Variants in FAM120B observed in about 807,000 individuals in gnomAD.
The protein encoded by FAM120B is constitutive coactivator of peroxisome proliferator-activated receptor gamma.
A neutral mutation model predicts 96.3 loss-of-function variants in FAM120B; 83 were observed. The observed-to-expected ratio is 0.86, with a 90% CI of 0.72 to 1.03. The LOEUF is 1.03. FAM120B is among the 50% of genes least tolerant of loss of function. The pLI is 0.00. For synonymous variants in FAM120B, 407 were observed against 402.7 expected, an observed-to-expected ratio of 1.01 and a Z score of -0.13; for missense variants, 1,027 against 1,121.2, an observed-to-expected ratio of 0.92 and a Z score of 1.20.
At chr6:170,350,060 CAG>C (rs775510353) in intron 5 of FAM120B, among the ~76,000 whole-genome samples, 4 of 152,178 alleles carry the variant, frequency 2.6e-5, no homozygotes, top group Non-Finnish European at 5.9e-5. Context: ...GTCTGATACA[CAG>C]AGCTGTTTGG....
At chr6:170,291,596 G>A (rs971024426), upstream of FAM120B, among the ~76,000 whole-genome samples, 5 of 152,206 alleles carry the variant, frequency 3.3e-5, no homozygotes, top group African/African-American at 7.2e-5. Flanking sequence ...GCCGAGGGCT[G>A]CCAGAGCGAA....
chr6:170,387,860 G>A (rs983771726), intron 6 of FAM120B, among the ~76,000 whole-genome samples: 4 of 152,170 alleles, frequency 2.6e-5, no homozygotes, highest in Non-Finnish European at 5.9e-5. Context: ...TGCCTTTGAA[G>A]AAAGTTGTTC....
intron 5 of FAM120B, among the ~76,000 whole-genome samples, chr6:170,348,763 A>G (rs900244912): frequency 3.9e-5 from 6 of 152,130 alleles, no homozygotes; most frequent in African/African-American, 1.2e-4. Flanking sequence ...GCTTTTTCCT[A>G]TGTCAGTTTC....
At chr6:170,326,505 T>C (rs1039892178) in intron 3 of FAM120B, among the ~76,000 whole-genome samples, 1 of 152,218 alleles carries the variant, frequency 6.6e-6, no homozygotes, top group Admixed American at 6.5e-5. Context: ...ATTATGCATA[T>C]GTTGTAAACC....
chr6:170,386,888 A>G (rs1790217618), intron 6 of FAM120B, among the ~76,000 whole-genome samples: 1 of 152,264 alleles, frequency 6.6e-6, no homozygotes, highest in Non-Finnish European at 1.5e-5. Context: ...AAAACCAATA[A>G]TACATGATGA....
intron 1 of FAM120B, among the ~76,000 whole-genome samples, chr6:170,296,842 T>A (rs908924183): frequency 1.9e-4 from 29 of 152,118 alleles, no homozygotes; most frequent in African/African-American, 6.8e-4. Flanking sequence ...CCTTTCCGGC[T>A]GCATCCGGGG....
At chr6:170,335,448 A>T (rs1786352907) in intron 4 of FAM120B, among the ~76,000 whole-genome samples, 1 of 152,160 alleles carries the variant, frequency 6.6e-6, no homozygotes, top group South Asian at 2.1e-4. Flanking sequence ...TTCTTTATGC[A>T]GTCTATCATT....
intron 5 of FAM120B, among the ~76,000 whole-genome samples, chr6:170,352,021 C>G (rs1787612666): frequency 2.6e-5 from 4 of 152,192 alleles, no homozygotes; most frequent in Admixed American, 2.6e-4. Flanking sequence ...CATGACCCAT[C>G]CATATGCTGT....
chr6:170,382,622 G>A (rs1789974531), intron 6 of FAM120B, among the ~76,000 whole-genome samples: 2 of 151,352 alleles, frequency 1.3e-5, no homozygotes, highest in Admixed American at 6.6e-5. Flanking sequence ...GCTAAAAATT[G>A]CAAAATACTG....
chr6:170,401,426 G>T (rs1433892620), intron 9 of FAM120B, among the ~76,000 whole-genome samples: 2 of 152,144 alleles, frequency 1.3e-5, no homozygotes, highest in Non-Finnish European at 2.9e-5. Flanking sequence ...CAGAGGCAGT[G>T]TCCCATCAGG....
chr6:170,333,399 C>G (rs761338209), intron 4 of FAM120B, among the ~76,000 whole-genome samples: 2 of 152,114 alleles, frequency 1.3e-5, no homozygotes, highest in African/African-American at 2.4e-5. Context: ...CAGAAATTTT[C>G]TGCTGTTAAA....
rs78984439 is a variant in FAM120B at position 170,360,243 on chromosome 6, G to A, written c.2283+1925G>A. ...CTTGAGCAGGTTCTTAAGGACATAC[G>A]GCAAGTAACCAAACTTCTGTGTGCC... On this transcript the variant is annotated intron_variant, in intron 6 of 10. Transcript: ENST00000476287. Among the ~76,000 whole-genome samples, 743 of 152,266 alleles carry A rather than the reference G, an allele frequency of 4.9e-3. 9 individuals are homozygous for A. The highest frequency in any genetic ancestry group is 0.017 in the African/African-American group (712 of 41,552).
intron 7 of FAM120B, among the ~76,000 whole-genome samples, chr6:170,390,455 A>G (rs1790421275): frequency 6.6e-6 from 1 of 151,752 alleles, no homozygotes; most frequent in African/African-American, 2.4e-5. Context: ...CCAAGTTCCA[A>G]GTGATTATAC....
chr6:170,372,667 C>T (rs185118845), intron 6 of FAM120B, among the ~76,000 whole-genome samples: 47 of 152,222 alleles, frequency 3.1e-4, no homozygotes, highest in Admixed American at 1.3e-3. Flanking sequence ...TGGGTTCTGC[C>T]CTCATGGAGC....
chr6:170,352,060 A>G (rs1270730946), intron 5 of FAM120B, among the ~76,000 whole-genome samples: 2 of 152,236 alleles, frequency 1.3e-5, no homozygotes, highest in African/African-American at 4.8e-5. Context: ...ATGTGCAGAG[A>G]CACACATGGG....
At chr6:170,301,197 C>T (rs1482665798) in intron 1 of FAM120B, among the ~76,000 whole-genome samples, 1 of 152,242 alleles carries the variant, frequency 6.6e-6, no homozygotes, top group Non-Finnish European at 1.5e-5. Context: ...TCCCAAACCT[C>T]TGTTCTTGTC....
upstream of FAM120B, among the ~76,000 whole-genome samples, chr6:170,302,658 C>A (rs1784166512): frequency 6.6e-6 from 1 of 152,192 alleles, no homozygotes; most frequent in South Asian, 2.1e-4. Context: ...TCTGCATTAA[C>A]CCCCAAATTC....
chr6:170,405,483 TCA>T lies in FAM120B; in HGVS notation c.*736_*737del, dbSNP rs1308531418. ...ACAGAGCGGGAGGCACAAGGTTTCA[TCA>T]CACTATTCACAATGGCGAGCAAGTT... On this transcript the variant is annotated 3_prime_UTR_variant, in exon 11 of 11. Coordinates refer to ENST00000476287, the MANE Select transcript of FAM120B (RefSeq NM_032448.3). 3 of 152,252 alleles carry T rather than the reference TCA, an allele frequency of 2.0e-5. No individual in the cohort carries two copies. Among genetic ancestry groups the T allele is most frequent in the African/African-American group, 7.2e-5 (3 of 41,462 alleles). 9.4% of individuals were successfully genotyped at this position (152,252 alleles called of 1,614,324 possible).
chr6:170,293,363 G>A (rs1783928048), upstream of FAM120B, among the ~76,000 whole-genome samples: 1 of 152,188 alleles, frequency 6.6e-6, no homozygotes, highest in Non-Finnish European at 1.5e-5. Context: ...TCATTTGAAT[G>A]CCTGTTTAGA....
Sources: gnomAD v4.1 joint callset for allele counts (sites outside exome capture counted in the v4.1 genomes callset) on GRCh38, gnomAD v4.1.1 for gene constraint, MANE v1.5 for transcripts, NCBI Gene and HGNC (gene_info 2026-07-23, HGNC 2026-07-21) for gene names.